The following SLC7A1 variants were observed in gnomAD, a reference collection of about 807,000 sequenced individuals.
SLC7A1 encodes the protein solute carrier family 7 member 1.
A neutral mutation model predicts 53.9 loss-of-function variants in SLC7A1; 10 were observed. The ratio of observed to expected loss-of-function variants is 0.19; its 90% CI spans 0.11 to 0.31. The LOEUF (loss-of-function observed/expected upper bound fraction) is 0.31. Ranked by LOEUF, SLC7A1 falls within the 10% of genes least tolerant of loss-of-function variation. SLC7A1 has a pLI of 1.00. For missense variants in SLC7A1, 525 were observed against 827.2 expected (o/e 0.63, Z 4.48); for synonymous variants, 342 against 338.7 (o/e 1.01, Z -0.11).
chr13:29,513,336 T>C lies in SLC7A1; in HGVS notation c.*1144A>G, dbSNP rs1883450778. ...AGCTATAGGACAGCCGCAGGGGTGA[T>C]GACATGGCCATTTCCAAGTTAATGT... is the stretch of plus-strand genomic sequence containing the variant. On this transcript the variant is annotated 3_prime_UTR_variant, in exon 13 of 13. Transcript: ENST00000380752. The C allele has an allele frequency of 6.5e-6, 1 of 152,706 alleles. No individual in the cohort carries two copies. Among genetic ancestry groups the C allele is most frequent in the Admixed American group, 6.5e-5 (1 of 15,290 alleles). 9.5% of individuals were successfully genotyped at this position (152,706 alleles called of 1,614,324 possible). A position where few individuals can be genotyped will look rare whatever the true frequency, so the allele number is the denominator to read the frequency against.
chr13:29,529,330 C>T (rs1271930105), intron 5 of SLC7A1, among the ~76,000 whole-genome samples: 2 of 152,218 alleles, frequency 1.3e-5, no homozygotes, highest in African/African-American at 4.8e-5. Context: ...TGGCTGGCAC[C>T]TGGCCCTGAA....
At chr13:29,524,049 C>A in intron 6 of SLC7A1, 83 bp downstream of exon 6, 1 of 1,416,924 alleles carries the variant, frequency 7.1e-7, no homozygotes, top group Non-Finnish European at 9.9e-7. Context: ...CTGGACCGTG[C>A]CAGCAAGGAG....
intron 11 of SLC7A1, among the ~76,000 whole-genome samples, chr13:29,516,464 G>A (rs1883559356): frequency 1.3e-5 from 2 of 152,168 alleles, no homozygotes; most frequent in African/African-American, 4.8e-5. Flanking sequence ...TTAGTAGGTG[G>A]GGATTTGATT....
At chr13:29,519,605 C>G in intron 8 of SLC7A1, 56 bp from the exon 9 acceptor site, 1 of 1,110,530 alleles carries the variant, frequency 9.0e-7, no homozygotes, top group Non-Finnish European at 1.4e-6. Context: ...CAATGACAAC[C>G]AGGACCACCA....
intron 1 of SLC7A1, among the ~76,000 whole-genome samples, chr13:29,593,342 A>G (rs1872183848): frequency 6.6e-6 from 1 of 152,190 alleles, no homozygotes; most frequent in Non-Finnish European, 1.5e-5. Context: ...AACTATACAG[A>G]AAAACACCAC....
chr13:29,594,026 CTT>C (rs1458704846), intron 1 of SLC7A1, among the ~76,000 whole-genome samples: 1 of 151,992 alleles, frequency 6.6e-6, no homozygotes, highest in African/African-American at 2.4e-5. Context: ...TAAATAAGAC[CTT>C]TTGTTTTAAT....
intron 12 of SLC7A1, among the ~76,000 whole-genome samples, chr13:29,515,396 G>A (rs929888690): frequency 2.6e-5 from 4 of 152,202 alleles, no homozygotes; most frequent in East Asian, 1.9e-4. Flanking sequence ...GGACCCACCC[G>A]GCTGCCAGCA....
At chr13:29,516,363 G>A in intron 11 of SLC7A1, 117 bp from the exon 12 acceptor site, 2 of 679,512 alleles carry the variant, frequency 2.9e-6, no homozygotes, top group South Asian at 1.9e-5. Context: ...GGGCGAGTGT[G>A]GGGAAGAGAG....
Position 29,532,826 on chromosome 13 carries a change from G to A in SLC7A1, c.527C>T (p.Thr176Ile). 1.9e-6 allele frequency: 3 copies of A among 1,612,022 alleles called. No individual in the cohort carries two copies. The highest frequency in any genetic ancestry group is 4.5e-5 in the East Asian group (2 of 44,790). Residue 176 changes from threonine to isoleucine, a missense_variant and splice_region_variant, in exon 4 of 13, where the codon ACA becomes ATA. Thr to Ile is a moderately conservative substitution (Grantham distance 89). Around this residue, in one of 4 missense-constraint regions of SLC7A1, gnomAD observed 354 missense variants for 587.5 expected, o/e 0.60. Coordinates refer to ENST00000380752, the MANE Select transcript of SLC7A1 (RefSeq NM_003045.5). ...CTCTTTTTAAGTGTGGGCTTTACCT[G>A]TCAAGATGAGAATTATGATCACTGC... is the stretch of plus-strand genomic sequence containing the variant. ...IFAVIIILIL[T>I]GLLTLGVKES...
At position 29,514,162 on chromosome 13, in the gene SLC7A1, C is replaced by G; in HGVS notation, c.*318G>C. Reference sequence around the variant, plus strand: ...ATAAGGAGAGAAGGTGACCTCCGTTCTGCCTGAGGCTGCGGCAGCTCGGGG... The same window carrying G: ...ATAAGGAGAGAAGGTGACCTCCGTTGTGCCTGAGGCTGCGGCAGCTCGGGG... On this transcript the variant is annotated 3_prime_UTR_variant, in exon 13 of 13. Transcript: ENST00000380752. 1 of 345,850 alleles carries G rather than the reference C, an allele frequency of 2.9e-6. No individual in the cohort carries two copies. The highest frequency in any genetic ancestry group is 5.2e-5 in the South Asian group (1 of 19,354). 21.4% of individuals were successfully genotyped at this position (345,850 alleles called of 1,614,324 possible). A position where few individuals can be genotyped will look rare whatever the true frequency, so the allele number is the denominator to read the frequency against.
intron 2 of SLC7A1, among the ~76,000 whole-genome samples, chr13:29,550,138 A>G (rs371607580): frequency 6.6e-5 from 10 of 152,340 alleles, no homozygotes; most frequent in African/African-American, 2.4e-4. Flanking sequence ...ACATTTTCGT[A>G]TACAAACAAC....
At chr13:29,525,111 A>G (rs1868825050) in intron 5 of SLC7A1, among the ~76,000 whole-genome samples, 1 of 152,176 alleles carries the variant, frequency 6.6e-6, no homozygotes, top group African/African-American at 2.4e-5. Flanking sequence ...CAGTCAGTGC[A>G]GGCGGCTTCC....
intron 2 of SLC7A1, among the ~76,000 whole-genome samples, chr13:29,540,119 G>A (rs556840789): frequency 3.3e-5 from 5 of 152,304 alleles, no homozygotes; most frequent in South Asian, 2.1e-4. Context: ...AAGCTACTCC[G>A]CACAGACTTA....
At chr13:29,566,821 C>G (rs1188319328) in intron 1 of SLC7A1, among the ~76,000 whole-genome samples, 1 of 152,140 alleles carries the variant, frequency 6.6e-6, no homozygotes, top group Non-Finnish European at 1.5e-5. Flanking sequence ...CAAAGGGACC[C>G]CAGTATAGTT....
intron 1 of SLC7A1, among the ~76,000 whole-genome samples, chr13:29,564,535 A>T (rs1870888620): frequency 6.6e-6 from 1 of 152,072 alleles, no homozygotes; most frequent in African/African-American, 2.4e-5. Context: ...TACTACTGAA[A>T]CTCTATGCCA....
rs529417129 is a variant in SLC7A1, at chr13:29,584,010, G to A, written c.-115+11406C>T. ...AGTGTGGTACACTTGCAATAACAGA[G>A]TCATCATTTATTTCAAACGTTAACA... is the stretch of plus-strand genomic sequence containing the variant. On this transcript the variant is annotated intron_variant, in intron 1 of 12. Coordinates refer to ENST00000380752, the MANE Select transcript of SLC7A1 (RefSeq NM_003045.5). Among the ~76,000 whole-genome samples the A allele has an allele frequency of 2.6e-5, 4 of 152,258 alleles. No homozygotes were observed. The East Asian group carries it at 7.7e-4, about 29-fold the overall frequency.
intron 4 of SLC7A1, among the ~76,000 whole-genome samples, chr13:29,531,651 G>C (rs1869166998): frequency 6.6e-6 from 1 of 152,136 alleles, no homozygotes; most frequent in African/African-American, 2.4e-5. Context: ...TGGCCAATAT[G>C]GCAAAACCTT....
At chr13:29,543,016 G>C (rs1303770916) in intron 2 of SLC7A1, among the ~76,000 whole-genome samples, 1 of 152,206 alleles carries the variant, frequency 6.6e-6, no homozygotes, top group Non-Finnish European at 1.5e-5. Flanking sequence ...TCCACCCAAA[G>C]TGACTGATCC....
chr13:29,575,855 G>A (rs1871387694), intron 1 of SLC7A1, among the ~76,000 whole-genome samples: 1 of 152,146 alleles, frequency 6.6e-6, no homozygotes, highest in Admixed American at 6.5e-5. Flanking sequence ...GCAACTTCCA[G>A]AAAGGCCTAC....
Sources: allele counts gnomAD v4.1 joint callset (sites outside exome capture counted in the v4.1 genomes callset), GRCh38; gene constraint gnomAD v4.1.1; regional missense constraint gnomAD v4.1.1; transcripts MANE v1.5; gene names NCBI Gene and HGNC (gene_info 2026-07-23, HGNC 2026-07-21).